BMAL1: variants seen among roughly 807,000 people sequenced by gnomAD.
The protein encoded by BMAL1 is basic helix-loop-helix ARNT like 1.
chr11:13,339,143 C>T, the BMAL1 span, among the ~76,000 whole-genome samples: 1 of 152,358 alleles, frequency 6.6e-6, no homozygotes, highest in East Asian at 1.9e-4. Context: ...GACTGGGAGT[C>T]ACCCCCATGT....
At chr11:13,361,155 G>A in the BMAL1 span, among the ~76,000 whole-genome samples, 2 of 152,088 alleles carry the variant, frequency 1.3e-5, no homozygotes, top group Non-Finnish European at 2.9e-5. Flanking sequence ...AAAAATAAAT[G>A]CAAGAGATAT....
At chr11:13,385,575 T>C in the BMAL1 span, 5 of 692,862 alleles carry the variant, frequency 7.2e-6, no homozygotes, top group East Asian at 5.4e-5. Context: ...AATCATCCAA[T>C]AGAAAACTGA....
chr11:13,369,881 C>T, the BMAL1 span: 3 of 1,361,368 alleles, frequency 2.2e-6, no homozygotes, highest in Non-Finnish European at 3.0e-6. Flanking sequence ...GTGGCAGGTC[C>T]CAGGACTGCA....
chr11:13,356,365 T>C, the BMAL1 span: 1 of 493,432 alleles, frequency 2.0e-6, no homozygotes, highest in Admixed American at 2.3e-5. Flanking sequence ...GCTTCATTTA[T>C]CCAGAATGAT....
chr11:13,317,354 C>T, the BMAL1 span, among the ~76,000 whole-genome samples: 2 of 152,036 alleles, frequency 1.3e-5, no homozygotes, highest in African/African-American at 4.8e-5. Flanking sequence ...GAGTCTATGT[C>T]CTTTGTTGTT....
chr11:13,365,467 A>G, the BMAL1 span: 1 of 1,580,932 alleles, frequency 6.3e-7, no homozygotes, highest in Non-Finnish European at 8.7e-7. Context: ...TTCCTACAGT[A>G]TGAGAAATTG....
chr11:13,376,173 G>GC, the BMAL1 span, among the ~76,000 whole-genome samples: 1 of 152,200 alleles, frequency 6.6e-6, no homozygotes, highest in African/African-American at 2.4e-5. Context: ...CAGGCAGGGG[G>GC]CCCAAGCACT....
the BMAL1 span, among the ~76,000 whole-genome samples, chr11:13,363,671 C>A: frequency 6.6e-6 from 1 of 152,232 alleles, no homozygotes; most frequent in African/African-American, 2.4e-5. Flanking sequence ...GATCAGTCAA[C>A]TGTATCAGTT....
chr11:13,347,252 A>G, the BMAL1 span, among the ~76,000 whole-genome samples: 14,342 of 152,042 alleles, frequency 0.094, 863 homozygotes, highest in East Asian at 0.19. Context: ...ATGGTGGCAC[A>G]TGCCTGTAGT....
chr11:13,324,616 A>G, the BMAL1 span, among the ~76,000 whole-genome samples: 4 of 151,994 alleles, frequency 2.6e-5, no homozygotes, highest in Admixed American at 2.6e-4. Flanking sequence ...ACTTTATATG[A>G]TATGTTTGTT....
the BMAL1 span, among the ~76,000 whole-genome samples, chr11:13,304,519 A>G: frequency 6.6e-6 from 1 of 152,058 alleles, no homozygotes; most frequent in African/African-American, 2.4e-5. Flanking sequence ...AACCTCTTTC[A>G]CTCTGTGATA....
the BMAL1 span, among the ~76,000 whole-genome samples, chr11:13,325,794 G>T: frequency 9.2e-5 from 14 of 151,910 alleles, no homozygotes; most frequent in Non-Finnish European, 1.6e-4. Flanking sequence ...ATCTTGATGA[G>T]GTGTGTCCCC....
At chr11:13,282,876 G>T in the BMAL1 span, among the ~76,000 whole-genome samples, 1 of 152,204 alleles carries the variant, frequency 6.6e-6, no homozygotes, top group African/African-American at 2.4e-5. Context: ...TGGAGGAGGA[G>T]ATGGGATGGG....
the BMAL1 span, chr11:13,365,282 A>AACAC: frequency 0.2 from 36,746 of 182,310 alleles, 3,368 homozygotes; most frequent in South Asian, 0.29. Context: ...GATATGCAGA[A>AACAC]ACACACACAC....
At chr11:13,375,676 T>C in the BMAL1 span, 2 of 1,600,630 alleles carry the variant, frequency 1.2e-6, no homozygotes, top group Admixed American at 1.8e-5. Context: ...ATGGTTCTTT[T>C]ATCACACTAC....
chr11:13,285,340 A>C, the BMAL1 span, among the ~76,000 whole-genome samples: 4 of 152,200 alleles, frequency 2.6e-5, no homozygotes, highest in Non-Finnish European at 5.9e-5. Flanking sequence ...TGTTGTGGGC[A>C]CTGAGGATAC....
At chr11:13,339,457 ATG>A in the BMAL1 span, among the ~76,000 whole-genome samples, 1 of 150,574 alleles carries the variant, frequency 6.6e-6, no homozygotes, top group Non-Finnish European at 1.5e-5. Flanking sequence ...ACACACACAC[ATG>A]GTATCTTCTC....
chr11:13,316,887 C>T, the BMAL1 span, among the ~76,000 whole-genome samples: 5 of 152,166 alleles, frequency 3.3e-5, no homozygotes, highest in East Asian at 1.9e-4. Context: ...AAAGGGCATT[C>T]GGCACACTGG....
the BMAL1 span, among the ~76,000 whole-genome samples, chr11:13,349,067 CAT>C: frequency 2.6e-5 from 4 of 152,200 alleles, no homozygotes; most frequent in Admixed American, 2.6e-4. Flanking sequence ...GAATCCTCCA[CAT>C]GAGTCATAGG....
Sources: allele counts gnomAD v4.1 joint callset (sites outside exome capture counted in the v4.1 genomes callset), GRCh38; gene constraint gnomAD v4.1.1; transcripts MANE v1.5; gene names NCBI Gene and HGNC (gene_info 2026-07-23, HGNC 2026-07-21).